Variants in VCAM1 observed in about 807,000 individuals in gnomAD.
VCAM1 encodes vascular cell adhesion protein 1.
In VCAM1, 41 loss-of-function variants were observed where a neutral mutation model predicts 63.8. The observed-to-expected ratio is 0.64, with a 90% CI of 0.50 to 0.83. The LOEUF is 0.83. Among genes scored for constraint, VCAM1 ranks in the 40% least tolerant of loss-of-function variants. The pLI is 0.00. For synonymous variants in VCAM1, 338 were observed against 320.7 expected (o/e 1.05, Z -0.58); for missense variants, 798 against 875.5 (o/e 0.91, Z 1.12).
chr1:100,720,420 G>T, intron 1 of VCAM1, 56 bp from the exon 2 acceptor site: 1 of 1,558,022 alleles, frequency 6.4e-7, no homozygotes. Flanking sequence ...GAAGAAGGAG[G>T]AGAATACTAG....
chr1:100,731,383 A>G lies in VCAM1; in HGVS notation c.1390A>G (p.Lys464Glu). The G allele has an allele frequency of 1.2e-6, 2 of 1,613,866 alleles. No individual in the cohort carries two copies. Among genetic ancestry groups the G allele is most frequent in the East Asian group, 4.5e-5 (2 of 44,870 alleles). ...EDTDMKSLENKSLEMTFIPTI... is the reference protein window; with the variant it reads ...EDTDMKSLENESLEMTFIPTI... ...TACGGATATGAAATCTCTAGAGAAC[A>G]AAAGTTTGGAAATGACCTTCATCCC... The change falls in exon 6 of 9, where the codon AAA becomes GAA. Residue 464 changes from lysine (K) to glutamate (E), a missense_variant. By Grantham distance (56) the Lys-to-Glu change is moderately conservative. Coordinates refer to ENST00000294728, the MANE Select transcript of VCAM1 (RefSeq NM_001078.4). The surrounding 1 kb of genome is among the most constrained non-coding windows in gnomAD (Gnocchi z 4.2).
chr1:100,722,636 G>A (rs3176863), intron 2 of VCAM1, among the ~76,000 whole-genome samples: 21,722 of 151,984 alleles, frequency 0.14, 1,901 homozygotes, highest in Admixed American at 0.26. Flanking sequence ...CTAAGTCCAG[G>A]TCTTCTTTTC....
intron 7 of VCAM1, 96 bp from the exon 8 acceptor site, chr1:100,734,406 A>G: frequency 7.4e-7 from 1 of 1,355,632 alleles, no homozygotes; most frequent in South Asian, 1.5e-5. Context: ...CTAAGCACAA[A>G]TAGCTCCAGG....
chr1:100,722,216 G>A (rs1176700129), intron 2 of VCAM1, among the ~76,000 whole-genome samples: 3 of 152,040 alleles, frequency 2.0e-5, no homozygotes, highest in African/African-American at 7.2e-5. Flanking sequence ...CAATGGCCAC[G>A]TGAAGTAGTG....
rs954604986 is a variant in VCAM1 at position 100,720,786 on chromosome 1, A to G, written c.340+35A>G. 1.9e-6 allele frequency: 3 copies of G among 1,556,566 alleles called. No individual in the cohort carries two copies. In the East Asian group the frequency reaches 6.8e-5, roughly 35 times the overall value. ...TTAGAAAATCTTTGTTTTTCTCTCA[A>G]TTTTACTTTAAAATCACTTTTTAAA... On this transcript the variant is annotated intron_variant, in intron 2 of 8. Coordinates refer to ENST00000294728, the MANE Select transcript of VCAM1 (RefSeq NM_001078.4).
chr1:100,720,862 GGC>G, intron 2 of VCAM1, 111 bp downstream of exon 2: 1 of 1,290,520 alleles, frequency 7.7e-7, no homozygotes, highest in Non-Finnish European at 1.0e-6. Context: ...ACAGATTCTT[GGC>G]TAAAGAACAT....
chr1:100,720,814 T>C lies in VCAM1; in HGVS notation c.340+63T>C, dbSNP rs1571452557. On this transcript the variant is annotated intron_variant, in intron 2 of 8. Transcript: ENST00000294728. ...TTACTTTAAAATCACTTTTTAAAAA[T>C]GATATTTTAAAAAAAGTTTTAAAAT... 10 of 1,513,518 alleles carry C rather than the reference T, an allele frequency of 6.6e-6. No homozygotes were observed. The East Asian group carries it at 2.4e-4, about 36-fold the overall frequency. 93.8% of individuals were successfully genotyped at this position (1,513,518 alleles called of 1,614,324 possible). A position where few individuals can be genotyped will look rare whatever the true frequency, so the allele number is the denominator to read the frequency against.
chr1:100,731,536 G>A lies in VCAM1; in HGVS notation c.1525+18G>A, dbSNP rs770914393. The stretch of plus-strand genomic sequence containing the variant: ...TGTCAATGGTAAGTACATATGTGAG[G>A]TATCTACAGTTTAATACCTGTCTCT... On this transcript the variant is annotated intron_variant, in intron 6 of 8. Transcript: ENST00000294728. The surrounding 1 kb of genome is among the most constrained non-coding windows in gnomAD (Gnocchi z 4.2). The A allele has an allele frequency of 6.3e-7, 1 of 1,599,474 alleles. No homozygotes were observed. The highest frequency in any genetic ancestry group is 8.5e-7 in the Non-Finnish European group (1 of 1,171,950).
chr1:100,729,378 C>G lies in VCAM1; in HGVS notation c.1200C>G (p.Leu400=). 1 of 1,579,164 alleles carries G rather than the reference C, an allele frequency of 6.3e-7. No homozygotes were observed. The highest frequency in any genetic ancestry group is 8.6e-7 in the Non-Finnish European group (1 of 1,164,066). Residue 400 remains leucine, a synonymous_variant, in exon 5 of 9, where the codon CTC becomes CTG. Transcript: ENST00000294728. ...KKLEKGIQVE[L]YSFPRDPEIE... is the part of the protein sequence containing the mutation. ...TGGAAAAGGGAATCCAGGTGGAGCT[C>G]TACTGTAAGTGGTTTTCAGAATTGT... is the stretch of plus-strand genomic sequence containing the variant.
rs572175998 is a variant in VCAM1 at position 100,732,039 on chromosome 1, C to A, written c.1526-379C>A. On this transcript the variant is annotated intron_variant, in intron 6 of 8. Coordinates refer to ENST00000294728, the MANE Select transcript of VCAM1 (RefSeq NM_001078.4). ...CCACATTCAATTGGTCAAAGTGAGT[C>A]ATGAGGCCAGCCTAGAGATTCAAGG... Among the ~76,000 whole-genome samples, 28 of 152,296 alleles carry A rather than the reference C, an allele frequency of 1.8e-4. No homozygotes were observed. In the South Asian group the frequency reaches 2.9e-3, roughly 16 times the overall value.
In VCAM1 at chr1:100,720,562, G is replaced by A. The variant is rs750726850; in HGVS notation, c.151G>A (p.Gly51Ser). 1 of 1,613,266 alleles carries A rather than the reference G, an allele frequency of 6.2e-7. No individual in the cohort carries two copies. The highest frequency in any genetic ancestry group is 8.5e-7 in the Non-Finnish European group (1 of 1,179,532). Residue 51 changes from glycine (G) to serine (S), a missense_variant, in exon 2 of 9, where the codon GGC (glycine) becomes AGC (serine). Physicochemically the swap from Gly to Ser is moderately conservative, Grantham distance 56 (BLOSUM62 0). Coordinates refer to ENST00000294728, the MANE Select transcript of VCAM1 (RefSeq NM_001078.4). ...CGTCTCATTGACTTGCAGCACCACA[G>A]GCTGTGAGTCCCCATTTTTCTCTTG... ...DSVSLTCSTT[G>S]CESPFFSWRT... is the part of the protein sequence containing the mutation.
Position 100,731,268 on chromosome 1 carries a change from C to T in VCAM1, c.1275C>T (p.Cys425=). Residue 425 remains cysteine, a synonymous_variant, in exon 6 of 9, where the codon TGC becomes TGT. Transcript: ENST00000294728. The surrounding 1 kb of genome is among the most constrained non-coding windows in gnomAD (Gnocchi z 4.2). Reference sequence around the variant, plus strand: ...ATGGGAGCTCTGTCACTGTAAGCTGCAAGGTTCCTAGCGTGTACCCCCTTG... The same window carrying T: ...ATGGGAGCTCTGTCACTGTAAGCTGTAAGGTTCCTAGCGTGTACCCCCTTG... The part of the protein sequence containing the change: ...LVNGSSVTVS[C]KVPSVYPLDR... 2 of 1,613,698 alleles carry T rather than the reference C, an allele frequency of 1.2e-6. No individual in the cohort carries two copies. Among genetic ancestry groups the T allele is most frequent in the Non-Finnish European group, 1.7e-6 (2 of 1,179,806 alleles).
chr1:100,728,605 A>G (rs1031964205), intron 4 of VCAM1, among the ~76,000 whole-genome samples: 1 of 151,940 alleles, frequency 6.6e-6, no homozygotes, highest in East Asian at 1.9e-4. Flanking sequence ...AATTTCCTCA[A>G]GAAGAAAAAG....
At chr1:100,734,803 T>C (rs779464980) in intron 8 of VCAM1, 35 bp downstream of exon 8, 2 of 1,608,082 alleles carry the variant, frequency 1.2e-6, no homozygotes, top group Non-Finnish European at 1.7e-6. Flanking sequence ...TTCTTGGTAA[T>C]AGTTCAGAGG....
intron 7 of VCAM1, 113 bp from the exon 8 acceptor site, chr1:100,734,389 G>GC (rs1442090394): frequency 1.7e-6 from 2 of 1,184,382 alleles, no homozygotes; most frequent in African/African-American, 3.1e-5. Flanking sequence ...AACATTTAAT[G>GC]CAAACGCTAA....
At chr1:100,723,486 C>A in intron 3 of VCAM1, 146 bp downstream of exon 3, 1 of 891,156 alleles carries the variant, frequency 1.1e-6, no homozygotes, top group Non-Finnish European at 1.7e-6. Context: ...TAATGTTTGT[C>A]AATAGTATAA....
At chr1:100,723,568 G>T (rs1660048351) in intron 3 of VCAM1, among the ~76,000 whole-genome samples, 1 of 152,082 alleles carries the variant, frequency 6.6e-6, no homozygotes, top group South Asian at 2.1e-4. Context: ...AACTGTGTGA[G>T]TTTGGGTTAC....
Position 100,723,273 on chromosome 1 carries a change from A to G in VCAM1, c.594A>G (p.Lys198=). The change falls in exon 3 of 9, where the codon AAA becomes AAG. Residue 198 remains lysine (K), a synonymous_variant. Transcript: ENST00000294728. ...GAAAAGTTCTTGTTTGCCGAGCTAA[A>G]TTACACATTGATGAAATGGATTCTG... ...DIGKVLVCRA[K]LHIDEMDSVP... The G allele has an allele frequency of 6.2e-6, 10 of 1,613,148 alleles. No homozygotes were observed. The highest frequency in any genetic ancestry group is 8.5e-6 in the Non-Finnish European group (10 of 1,179,376).
chr1:100,735,026 T>A, intron 8 of VCAM1: 1 of 403,546 alleles, frequency 2.5e-6, no homozygotes, highest in African/African-American at 2.0e-5. Context: ...GGTCTTGCAG[T>A]TGCTAAATGT....
Sources: allele counts gnomAD v4.1 joint callset (sites outside exome capture counted in the v4.1 genomes callset), GRCh38; gene constraint gnomAD v4.1.1; non-coding constraint Gnocchi (gnomAD v3.1); transcripts MANE v1.5; gene names NCBI Gene and HGNC (gene_info 2026-07-23, HGNC 2026-07-21).